COL18A1: variants seen among roughly 807,000 people sequenced by gnomAD.
COL18A1 encodes collagen alpha-1(XVIII) chain.
Under a neutral mutation model 168.0 loss-of-function variants are expected in COL18A1, and 133 were observed. That is an observed-to-expected ratio of 0.79 (90% CI 0.69 to 0.91). The LOEUF (loss-of-function observed/expected upper bound fraction) is 0.91, where lower values mean the gene tolerates loss of function less well. Among genes scored for constraint, COL18A1 ranks in the 40% least tolerant of loss-of-function variants. COL18A1 has a pLI of 0.00. For synonymous variants in COL18A1, 949 were observed against 809.0 expected (o/e 1.17, Z -2.94); for missense variants, 2,126 against 1,925.4 (o/e 1.10, Z -1.95).
rs925210968 is a variant in COL18A1, at chr21:45,457,090, C to T, written c.107-11152C>T. ...CTGGACAGGAAGAGGGCTGGATGAA[C>T]CGCAGCCGATGTGTCCAGGTGCCAC... On this transcript the variant is annotated intron_variant, in intron 2 of 41. Transcript: ENST00000651438. The surrounding 1 kb of genome is among the most constrained non-coding windows in gnomAD (Gnocchi z 4.6). 1.3e-5 allele frequency among the ~76,000 whole-genome samples: 2 copies of T among 152,146 alleles called. No homozygotes were observed. The highest frequency in any genetic ancestry group is 4.8e-5 in the African/African-American group (2 of 41,424).
At chr21:45,501,477 G>A (rs1751986460) in intron 32 of COL18A1, among the ~76,000 whole-genome samples, 1 of 152,136 alleles carries the variant, frequency 6.6e-6, no homozygotes, top group Non-Finnish European at 1.5e-5. Context: ...TGCAGTAGAA[G>A]CAAGTGGGAA....
rs1159219710 is a variant in COL18A1, at chr21:45,498,612, C to T, written c.2683+951C>T. The T allele has an allele frequency of 4.2e-6, 3 of 707,804 alleles. No homozygotes were observed. In the African/African-American group the frequency reaches 5.3e-5, roughly 12 times the overall value. The allele number at this position is 707,804 out of a possible 1,614,324, so 43.8% of individuals were successfully genotyped here. ...AGTCTGGGCCGGGACATCCTTAAGG[C>T]CTGTGGAGGCAAAGGCAGGCAGAAA... On this transcript the variant is annotated intron_variant, in intron 32 of 41. Coordinates refer to ENST00000651438, the MANE Select transcript of COL18A1 (RefSeq NM_001379500.1). The surrounding 1 kb of genome is among the most constrained non-coding windows in gnomAD (Gnocchi z 4.5).
At position 45,504,523 on chromosome 21, in the gene COL18A1, CCCCCCA is replaced by C. The variant is rs746197837; in HGVS notation, c.2836_2841del (p.Pro946_Pro947del). On this transcript the variant is annotated inframe_deletion, in exon 34 of 42. Transcript: ENST00000651438. Reference sequence around the variant, plus strand: ...TGCCCGGCCCCCCCGGCCCCCCAGGCCCCCCAGGCCCACGTGGCTACCCTGGGATTC... The same window carrying C: ...TGCCCGGCCCCCCCGGCCCCCCAGGCGGCCCACGTGGCTACCCTGGGATTC... 1.3e-3 allele frequency: 1,958 copies of C among 1,510,766 alleles called. 1 individual carries two copies. Among genetic ancestry groups the C allele is most frequent in the Non-Finnish European group, 1.6e-3 (1,803 of 1,106,264 alleles). 93.6% of individuals were successfully genotyped at this position (1,510,766 alleles called of 1,614,324 possible).
At chr21:45,419,087 G>A (rs2033540971) in intron 2 of COL18A1, among the ~76,000 whole-genome samples, 1 of 152,238 alleles carries the variant, frequency 6.6e-6, no homozygotes, top group South Asian at 2.1e-4. Flanking sequence ...CCAAAGTGCT[G>A]AGCAGAAGTT....
intron 2 of COL18A1, among the ~76,000 whole-genome samples, chr21:45,437,105 ACACACACT>A (rs1449423379): frequency 9.8e-6 from 1 of 102,428 alleles, no homozygotes; most frequent in East Asian, 2.8e-4. Context: ...ACTCTCCTGC[ACACACACT>A]CACACACAGA....
intron 2 of COL18A1, chr21:45,456,053 C>G: frequency 6.2e-7 from 1 of 1,606,942 alleles, no homozygotes; most frequent in East Asian, 2.2e-5. Context: ...CCGTGGCATT[C>G]CTAGCTCTCC....
intron 2 of COL18A1, chr21:45,455,924 G>A (rs1555853876): frequency 6.2e-7 from 1 of 1,613,076 alleles, no homozygotes; most frequent in Admixed American, 1.7e-5. Flanking sequence ...GAATGACACT[G>A]TCCCCACTGA....
intron 2 of COL18A1, chr21:45,420,587 A>T (rs1405681840): frequency 6.6e-6 from 1 of 152,176 alleles, no homozygotes; most frequent in Non-Finnish European, 1.5e-5. Flanking sequence ...AATTATATCT[A>T]GAGAACCAGG....
At chr21:45,448,858 G>C (rs1015500503) in intron 2 of COL18A1, among the ~76,000 whole-genome samples, 8 of 152,164 alleles carry the variant, frequency 5.3e-5, no homozygotes, top group African/African-American at 1.9e-4. Context: ...GAGCAGCCCT[G>C]CCCGCCCCCG....
At position 45,480,532 on chromosome 21, in the gene COL18A1, T is replaced by C. The variant is rs2035855780; in HGVS notation, c.1452+12T>C. On this transcript the variant is annotated intron_variant, in intron 12 of 41. Transcript: ENST00000651438. Reference sequence around the variant, plus strand: ...TGGAGGCCCTGCGGGTGAGTGGCCCTTAAACTGCAGCGCTGCCCGATGTCT... The same window carrying C: ...TGGAGGCCCTGCGGGTGAGTGGCCCCTAAACTGCAGCGCTGCCCGATGTCT... 1 of 1,613,956 alleles carries C rather than the reference T, an allele frequency of 6.2e-7. No individual in the cohort carries two copies. The highest frequency in any genetic ancestry group is 1.1e-5 in the South Asian group (1 of 91,090).
At chr21:45,456,770 G>A (rs2145855890) in intron 2 of COL18A1, 1 of 1,542,316 alleles carries the variant, frequency 6.5e-7, no homozygotes. Context: ...GTTCTGCGAG[G>A]CCCTGCAGGA....
intron 2 of COL18A1, among the ~76,000 whole-genome samples, chr21:45,454,222 A>G (rs1405014487): frequency 6.6e-6 from 1 of 152,112 alleles, no homozygotes; most frequent in African/African-American, 2.4e-5. Context: ...TGCTTGAAAC[A>G]AGGCTGGGTC....
chr21:45,503,187 A>G (rs1330779665), intron 32 of COL18A1, among the ~76,000 whole-genome samples: 1 of 152,190 alleles, frequency 6.6e-6, no homozygotes, highest in Non-Finnish European at 1.5e-5. Context: ...AGTCCCACCA[A>G]CAGTGTAAAA....
At chr21:45,501,211 A>G (rs2036803312) in intron 32 of COL18A1, among the ~76,000 whole-genome samples, 1 of 151,998 alleles carries the variant, frequency 6.6e-6, no homozygotes, top group Admixed American at 6.5e-5. Context: ...AAATTGAGTA[A>G]TTCTACATTT....
intron 38 of COL18A1, among the ~76,000 whole-genome samples, chr21:45,509,090 G>T (rs190032716): frequency 6.6e-6 from 1 of 151,668 alleles, no homozygotes. Flanking sequence ...GTCAGGGCAC[G>T]TGGTGAGTGA....
At chr21:45,489,315 C>T (rs566519462) in intron 18 of COL18A1, among the ~76,000 whole-genome samples, 171 bp from the exon 19 acceptor site, 27 of 152,350 alleles carry the variant, frequency 1.8e-4, no homozygotes, top group Admixed American at 3.3e-4. Context: ...CCTGGGCCCA[C>T]GGGGTCCCTG....
At position 45,476,413 on chromosome 21, in the gene COL18A1, A is replaced by C; in HGVS notation, c.861A>C (p.Gly287=). The change falls in exon 6 of 42, where the codon GGA becomes GGC. Residue 287 remains glycine, a synonymous_variant. Coordinates refer to ENST00000651438, the MANE Select transcript of COL18A1 (RefSeq NM_001379500.1). The part of the protein sequence containing the change: ...PPPVTTPPLA[G]GSSTEDSRSE... Reference sequence around the variant, plus strand: ...CCGTCACCACGCCACCCTTGGCTGGAGGCAGCAGCACGGAAGATTCCAGAA... The same window carrying C: ...CCGTCACCACGCCACCCTTGGCTGGCGGCAGCAGCACGGAAGATTCCAGAA... 1 of 1,614,148 alleles carries C rather than the reference A, an allele frequency of 6.2e-7. No homozygotes were observed. The highest frequency in any genetic ancestry group is 1.1e-5 in the South Asian group (1 of 91,078).
At chr21:45,501,555 C>T (rs935740145) in intron 32 of COL18A1, among the ~76,000 whole-genome samples, 3 of 152,152 alleles carry the variant, frequency 2.0e-5, no homozygotes, top group Non-Finnish European at 2.9e-5. Context: ...AGTCAGAAAC[C>T]CCTGGGAGCT....
chr21:45,411,178 A>G (rs1010278457), intron 2 of COL18A1, among the ~76,000 whole-genome samples: 1 of 152,182 alleles, frequency 6.6e-6, no homozygotes, highest in Non-Finnish European at 1.5e-5. Flanking sequence ...TGCAGCTGCC[A>G]GTGCAGGGTG....
Sources: gnomAD v4.1 joint callset for allele counts (sites outside exome capture counted in the v4.1 genomes callset) on GRCh38, gnomAD v4.1.1 for gene constraint, Gnocchi (gnomAD v3.1) non-coding constraint, MANE v1.5 for transcripts, NCBI Gene and HGNC (gene_info 2026-07-23, HGNC 2026-07-21) for gene names.